Variants in PDE1C observed in about 807,000 individuals in gnomAD.
PDE1C encodes the protein dual specificity calcium/calmodulin-dependent 3',5'-cyclic nucleotide phosphodiesterase 1C.
Under a neutral mutation model 93.1 loss-of-function variants are expected in PDE1C, and 62 were observed. That is an observed-to-expected ratio of 0.67 (90% CI 0.54 to 0.82). PDE1C has a LOEUF of 0.82. PDE1C is among the 40% of genes least tolerant of loss of function. The probability of loss-of-function intolerance (pLI) is 0.00; values close to 1 mark genes in which losing one functional copy is unlikely to be tolerated. For missense variants in PDE1C, 742 were observed against 884.6 expected (o/e 0.84, Z 2.04); for synonymous variants, 325 against 310.1 (o/e 1.05, Z -0.50).
At chr7:32,263,077 C>T (rs768535313) in intron 1 of PDE1C, among the ~76,000 whole-genome samples, 4 of 152,148 alleles carry the variant, frequency 2.6e-5, no homozygotes, top group Non-Finnish European at 4.4e-5. Context: ...TGAGGATCTC[C>T]CGGAATGTGT....
chr7:31,924,342 T>C (rs1298772703), intron 2 of PDE1C, among the ~76,000 whole-genome samples: 2 of 152,214 alleles, frequency 1.3e-5, no homozygotes, highest in Non-Finnish European at 2.9e-5. Flanking sequence ...TAGGGGCATC[T>C]GGTTGACAAT....
At chr7:31,651,377 A>G in the PDE1C span, 1 of 1,264,834 alleles carries the variant, frequency 7.9e-7, no homozygotes, top group Non-Finnish European at 1.0e-6. Flanking sequence ...CTAATGAGAA[A>G]CCGGCCAGCT....
At chr7:31,754,477 A>C (rs1175278498) in intron 17 of PDE1C, among the ~76,000 whole-genome samples, 1 of 152,254 alleles carries the variant, frequency 6.6e-6, no homozygotes, top group Non-Finnish European at 1.5e-5. Flanking sequence ...AAAAGCTGGA[A>C]GCAACTAAGA....
intron 1 of PDE1C, among the ~76,000 whole-genome samples, chr7:32,056,320 TTCTCTCTCTCTCTCTCTCTCTCTC>T (rs10648394): frequency 1.8e-5 from 2 of 111,030 alleles, no homozygotes; most frequent in Non-Finnish European, 3.5e-5. Flanking sequence ...GGGTCCACCG[TTCTCTCTCTCTCTCTCTCTCTCTC>T]TCTCTCTCTC....
chr7:31,750,761 T>C (rs1339261560), downstream of PDE1C, among the ~76,000 whole-genome samples: 1 of 152,252 alleles, frequency 6.6e-6, no homozygotes, highest in Non-Finnish European at 1.5e-5. Context: ...AGACGGAGTC[T>C]CGCTCTGTCG....
At position 32,357,203 on chromosome 7, in the gene PDE1C, A is replaced by T. The variant is rs137875643; in HGVS notation, c.310+70619T>A. 1.8e-4 allele frequency among the ~76,000 whole-genome samples: 27 copies of T among 152,152 alleles called. No individual in the cohort carries two copies. In the East Asian group the frequency reaches 5.0e-3, roughly 28 times the overall value. Reference sequence around the variant, plus strand: ...AAAAAAATTAGCCGGGCATGGTGGCAGGTGCCTGTAGTCCCAGCTACTTGG... The same window carrying T: ...AAAAAAATTAGCCGGGCATGGTGGCTGGTGCCTGTAGTCCCAGCTACTTGG... On this transcript the variant is annotated intron_variant, in intron 1 of 1. Transcript: ENST00000672256.
intron 1 of PDE1C, among the ~76,000 whole-genome samples, chr7:32,243,144 G>C (rs1808668565): frequency 6.6e-6 from 1 of 152,078 alleles, no homozygotes; most frequent in Non-Finnish European, 1.5e-5. Flanking sequence ...AGGGAGAGTG[G>C]GTCTTGCCTA....
At chr7:32,113,452 A>C (rs1291971867) in intron 3 of PDE1C, among the ~76,000 whole-genome samples, 1 of 150,206 alleles carries the variant, frequency 6.7e-6, no homozygotes, top group Non-Finnish European at 1.5e-5. Flanking sequence ...AATAGCAAAA[A>C]TCCTCCCTCA....
At chr7:32,171,168 G>A (rs547476210) in intron 2 of PDE1C, among the ~76,000 whole-genome samples, 1 of 152,236 alleles carries the variant, frequency 6.6e-6, no homozygotes, top group Admixed American at 6.5e-5. Context: ...TCTTTACAAT[G>A]GCATTTGTCT....
rs553363095 is a variant in PDE1C at position 31,851,277 on chromosome 7, A to G, written c.751-536T>C. On this transcript the variant is annotated intron_variant, in intron 7 of 17. Coordinates refer to ENST00000396191, the MANE Select transcript of PDE1C (RefSeq NM_001191057.4). Reference sequence around the variant, plus strand: ...GGACTTCTCCCCATCCACACCATCAACATTGGCTGTGGGTCAGTGGTTCAC... The same window carrying G: ...GGACTTCTCCCCATCCACACCATCAGCATTGGCTGTGGGTCAGTGGTTCAC... 2.0e-5 allele frequency among the ~76,000 whole-genome samples: 3 copies of G among 152,280 alleles called. No individual in the cohort carries two copies. In the South Asian group the frequency reaches 6.2e-4, roughly 32 times the overall value.
intron 2 of PDE1C, among the ~76,000 whole-genome samples, chr7:32,186,247 C>T (rs892951696): frequency 5.9e-5 from 9 of 151,936 alleles, no homozygotes; most frequent in Non-Finnish European, 1.0e-4. Flanking sequence ...GGACTACAGG[C>T]GCCCGCCACC....
chr7:31,675,148 G>A, the PDE1C span, among the ~76,000 whole-genome samples: 278 of 152,272 alleles, frequency 1.8e-3, 4 homozygotes, highest in African/African-American at 6.2e-3. Context: ...CTTTGGTCAC[G>A]GGCTTCAGAG....
At chr7:32,206,458 G>C (rs1399585437) in intron 2 of PDE1C, among the ~76,000 whole-genome samples, 1 of 152,072 alleles carries the variant, frequency 6.6e-6, no homozygotes, top group Non-Finnish European at 1.5e-5. Flanking sequence ...GGCACTGGAG[G>C]GCAGCTTCAC....
chr7:32,106,417 C>T (rs769504036), intron 3 of PDE1C, among the ~76,000 whole-genome samples: 14 of 151,822 alleles, frequency 9.2e-5, no homozygotes, highest in Non-Finnish European at 1.3e-4. Flanking sequence ...ACAAAAAATA[C>T]ATAATGAAAT....
chr7:32,005,378 A>C (rs531778892), intron 2 of PDE1C, among the ~76,000 whole-genome samples: 60 of 151,906 alleles, frequency 3.9e-4, no homozygotes, highest in African/African-American at 1.4e-3. Flanking sequence ...AACACGGTGA[A>C]ATCCTGTCTC....
rs999275913 is a variant in PDE1C, at chr7:31,923,992, T to C, written c.129-43132A>G. 5.3e-5 allele frequency among the ~76,000 whole-genome samples: 8 copies of C among 152,324 alleles called. No homozygotes were observed. The South Asian group carries it at 1.5e-3, about 28-fold the overall frequency. On this transcript the variant is annotated intron_variant, in intron 2 of 17. Transcript: ENST00000396191. The stretch of plus-strand genomic sequence containing the variant: ...ATTCAGCTTTTTTCTATTCAAGATC[T>C]CATTCCTGTGTAGCTCTGGTTTGAA...
At chr7:31,622,833 A>C in the PDE1C span, among the ~76,000 whole-genome samples, 1 of 152,168 alleles carries the variant, frequency 6.6e-6, no homozygotes, top group African/African-American at 2.4e-5. Flanking sequence ...GTTTTTTGAA[A>C]TGATCAACAA....
At chr7:32,131,538 T>G (rs1799920167) in intron 3 of PDE1C, among the ~76,000 whole-genome samples, 1 of 152,170 alleles carries the variant, frequency 6.6e-6, no homozygotes. Context: ...GAAGCCCTGA[T>G]GAAACCATCT....
intron 3 of PDE1C, among the ~76,000 whole-genome samples, chr7:32,094,792 A>G (rs1443736180): frequency 6.6e-6 from 1 of 152,174 alleles, no homozygotes; most frequent in Non-Finnish European, 1.5e-5. Context: ...GCATGGCACA[A>G]AGGCTGTCTT....
Sources: gnomAD v4.1 joint callset for allele counts (sites outside exome capture counted in the v4.1 genomes callset) on GRCh38, gnomAD v4.1.1 for gene constraint, MANE v1.5 for transcripts, NCBI Gene and HGNC (gene_info 2026-07-23, HGNC 2026-07-21) for gene names.